Variants in ANKRD11 observed in about 807,000 individuals in gnomAD.
ANKRD11 encodes the protein ankyrin repeat domain-containing protein 11.
ANKRD11 carries 17 observed loss-of-function variants against 195.7 expected under a neutral mutation model. That is an observed-to-expected ratio of 0.09 (90% CI 0.06 to 0.13). ANKRD11 has a LOEUF of 0.13. Ranked by LOEUF, ANKRD11 falls within the 10% of genes least tolerant of loss-of-function variation. ANKRD11 has a pLI of 1.00. For missense variants in ANKRD11, 3,735 were observed against 3,566.1 expected (o/e 1.05, Z -1.21); for synonymous variants, 1,953 against 1,528.1 (o/e 1.28, Z -6.49).
At position 89,282,897 on chromosome 16, in the gene ANKRD11, T is replaced by C; in HGVS notation, c.3645A>G (p.Glu1215=). Residue 1215 remains glutamate, a synonymous_variant, in exon 9 of 13, where the codon GAA becomes GAG. Coordinates refer to ENST00000301030, the MANE Select transcript of ANKRD11 (RefSeq NM_013275.6). ...HKEKKDKEST[E]KYKDRKDRAS... ...CTCTGTCCTTCCTGTCCTTGTACTTTTCTGTGGACTCTTTATCCTTCTTCT... is the reference window on the plus strand; with the variant it reads ...CTCTGTCCTTCCTGTCCTTGTACTTCTCTGTGGACTCTTTATCCTTCTTCT... The C allele has an allele frequency of 1.9e-6, 3 of 1,613,174 alleles. No individual in the cohort carries two copies. The highest frequency in any genetic ancestry group is 2.5e-6 in the Non-Finnish European group (3 of 1,180,004).
In ANKRD11 at chr16:89,316,990, T is replaced by C. The variant is rs1274793310; in HGVS notation, c.30A>G (p.Pro10=). The C allele has an allele frequency of 7.4e-6, 12 of 1,613,916 alleles. No homozygotes were observed. The highest frequency in any genetic ancestry group is 1.0e-5 in the Non-Finnish European group (12 of 1,179,934). Reference sequence around the variant, plus strand: ...TGCTGAGGGGAAGCTCTTCCTGCTGTGGTGCTTTAGGGCACCCACCCTTGG... The same window carrying C: ...TGCTGAGGGGAAGCTCTTCCTGCTGCGGTGCTTTAGGGCACCCACCCTTGG... MPKGGCPKA[P]QQEELPLSSD... is the part of the protein sequence containing the mutation. Residue 10 remains proline, a synonymous_variant, in exon 3 of 13, where the codon CCA becomes CCG. Coordinates refer to ENST00000301030, the MANE Select transcript of ANKRD11 (RefSeq NM_013275.6).
At chr16:89,354,519 T>C (rs562463324) in intron 2 of ANKRD11, among the ~76,000 whole-genome samples, 117 of 152,260 alleles carry the variant, frequency 7.7e-4, no homozygotes, top group African/African-American at 2.7e-3. Flanking sequence ...CACCTGCTCT[T>C]GATAGGGAGG....
At chr16:89,307,223 C>G (rs2036337955) in intron 3 of ANKRD11, among the ~76,000 whole-genome samples, 2 of 152,228 alleles carry the variant, frequency 1.3e-5, no homozygotes, top group Admixed American at 1.3e-4. Context: ...GAGGCCTCAG[C>G]TGCTCCAGGG....
At chr16:89,485,139 T>C (rs1010924412) in intron 1 of ANKRD11, among the ~76,000 whole-genome samples, 2 of 152,102 alleles carry the variant, frequency 1.3e-5, no homozygotes, top group Admixed American at 1.3e-4. Flanking sequence ...TACTTTTATT[T>C]TCACACTGAA....
chr16:89,342,076 C>CCACAGCG (rs1597716327), intron 2 of ANKRD11, among the ~76,000 whole-genome samples: 1 of 39,002 alleles, frequency 2.6e-5, no homozygotes, highest in African/African-American at 8.5e-5. Flanking sequence ...GCACCTCCAC[C>CCACAGCG]GCCCACAGCT....
chr16:89,299,372 C>T (rs1285914588), intron 4 of ANKRD11: 4 of 193,188 alleles, frequency 2.1e-5, no homozygotes, highest in South Asian at 5.6e-5. Flanking sequence ...GTGTGGGGTG[C>T]CTGCCCTGTG....
chr16:89,477,145 A>T (rs1455501262), intron 1 of ANKRD11, among the ~76,000 whole-genome samples: 1 of 152,074 alleles, frequency 6.6e-6, no homozygotes, highest in East Asian at 1.9e-4. Flanking sequence ...ATATCTCAGA[A>T]AACAGGCACA....
In ANKRD11 at chr16:89,285,933, C is replaced by T. The variant is rs977521856; in HGVS notation, c.892+106G>A. The T allele has an allele frequency of 6.4e-7, 1 of 1,565,312 alleles. No homozygotes were observed. Among genetic ancestry groups the T allele is most frequent in the African/African-American group, 1.4e-5 (1 of 74,014 alleles). ...TCCAGAAGCTCCTGTAAGCCCCCAGCATCCGAGGAGGAGCTGATCAGAGGG... is the reference window on the plus strand; with the variant it reads ...TCCAGAAGCTCCTGTAAGCCCCCAGTATCCGAGGAGGAGCTGATCAGAGGG... On this transcript the variant is annotated intron_variant, in intron 8 of 12. Transcript: ENST00000301030. The surrounding 1 kb of genome is among the most constrained non-coding windows in gnomAD (Gnocchi z 5.6).
At chr16:89,414,671 G>C (rs533784926) in intron 2 of ANKRD11, among the ~76,000 whole-genome samples, 3 of 152,330 alleles carry the variant, frequency 2.0e-5, no homozygotes, top group Admixed American at 6.5e-5. Context: ...CAGGGCCACA[G>C]AGCTAGCACC....
rs1453564938 is a variant in ANKRD11 at position 89,280,068 on chromosome 16, T to G, written c.6474A>C (p.Glu2158Asp). Residue 2158 changes from glutamate to aspartate, a missense_variant, in exon 9 of 13, where the codon GAA (glutamate) becomes GAC (aspartate). Coordinates refer to ENST00000301030, the MANE Select transcript of ANKRD11 (RefSeq NM_013275.6). ...GCATCTCTTCTGGAGGAGCAAGACT[T>G]TCTTCCACGGGTTCCGCTTCACCAT... ...AADGEAEPVE[E>D]SLAPPEEMPP... The G allele has an allele frequency of 6.2e-7, 1 of 1,613,062 alleles. No individual in the cohort carries two copies. Among genetic ancestry groups the G allele is most frequent in the Non-Finnish European group, 8.5e-7 (1 of 1,179,946 alleles).
Position 89,279,760 on chromosome 16 carries a change from T to C in ANKRD11, c.6782A>G (p.Glu2261Gly). 6 of 1,523,814 alleles carry C rather than the reference T, an allele frequency of 3.9e-6. No individual in the cohort carries two copies. The highest frequency in any genetic ancestry group is 5.3e-6 in the Non-Finnish European group (6 of 1,138,682). The allele number at this position is 1,523,814 out of a possible 1,614,324, so 94.4% of individuals were successfully genotyped here. A position where few individuals can be genotyped will look rare whatever the true frequency, so the allele number is the denominator to read the frequency against. Residue 2261 changes from glutamate (E) to glycine (G), a missense_variant, in exon 9 of 13, where the codon GAA becomes GGA. Glu to Gly is a moderately conservative substitution (Grantham distance 98, BLOSUM62 -2). Transcript: ENST00000301030. This position sits in a 1 kb window ranked among gnomAD's most constrained non-coding sequence, Gnocchi z 5.6. Reference protein sequence around the residue: ...LGSGDQGAEAEGPPAASLCAP... With the variant: ...LGSGDQGAEAGGPPAASLCAP... ...ACAGAGGGACGCGGCGGGGGGGCCT[T>C]CAGCCTCAGCCCCCTGGTCTCCGCT...
chr16:89,309,702 CCT>C (rs2036504867), intron 3 of ANKRD11, among the ~76,000 whole-genome samples: 4 of 152,170 alleles, frequency 2.6e-5, no homozygotes, highest in African/African-American at 9.7e-5. Context: ...TGGGACAGGC[CCT>C]GTTTCGGCCC....
intron 2 of ANKRD11, among the ~76,000 whole-genome samples, chr16:89,415,829 C>CAAAAAAAAAAAAACAAA (rs2042278447): frequency 2.5e-5 from 1 of 39,744 alleles, no homozygotes. Context: ...GACTCTGTCT[C>CAAAAAAAAAAAAACAAA]AAAAAAAAAA....
chr16:89,388,528 C>CA (rs948239078), intron 2 of ANKRD11, among the ~76,000 whole-genome samples: 3 of 151,980 alleles, frequency 2.0e-5, no homozygotes, highest in Non-Finnish European at 4.4e-5. Context: ...ACACACGTCA[C>CA]AAAAAAGCCC....
chr16:89,347,385 G>C (rs541025718), intron 2 of ANKRD11, among the ~76,000 whole-genome samples: 1 of 152,098 alleles, frequency 6.6e-6, no homozygotes, highest in African/African-American at 2.4e-5. Flanking sequence ...CAAGATAGGC[G>C]GATCACGAGG....
rs2037448558 is a variant in ANKRD11 at position 89,323,252 on chromosome 16, G to T, written c.-59-6174C>A. 1.0e-5 allele frequency: 13 copies of T among 1,252,622 alleles called. No individual in the cohort carries two copies. The Admixed American group carries it at 3.0e-4, about 29-fold the overall frequency. 77.6% of individuals were successfully genotyped at this position (1,252,622 alleles called of 1,614,324 possible). A position where few individuals can be genotyped will look rare whatever the true frequency, so the allele number is the denominator to read the frequency against. On this transcript the variant is annotated intron_variant, in intron 2 of 12. Transcript: ENST00000301030. The stretch of plus-strand genomic sequence containing the variant: ...AAAGAAAAAAGGAGAAAAGGAAAAA[G>T]AGCTGCATACCTGGCAGGCCTACTG...
intron 2 of ANKRD11, among the ~76,000 whole-genome samples, chr16:89,333,353 A>ACC (rs376236804): frequency 7.3e-6 from 1 of 136,186 alleles, no homozygotes; most frequent in South Asian, 2.4e-4. Flanking sequence ...TACAGCTGAG[A>ACC]CCCCCCTGGA....
chr16:89,441,583 T>C (rs2965941), intron 1 of ANKRD11, among the ~76,000 whole-genome samples: 7,830 of 151,494 alleles, frequency 0.052, 599 homozygotes, highest in African/African-American at 0.17. Context: ...CTGGCTAACA[T>C]GGTAAAACCC....
chr16:89,480,738 G>C (rs2057418138), intron 1 of ANKRD11, among the ~76,000 whole-genome samples: 1 of 152,020 alleles, frequency 6.6e-6, no homozygotes, highest in African/African-American at 2.4e-5. Flanking sequence ...ACACTGTCCT[G>C]ACAAAATATC....
Sources: gnomAD v4.1 joint callset for allele counts (sites outside exome capture counted in the v4.1 genomes callset) on GRCh38, gnomAD v4.1.1 for gene constraint, Gnocchi (gnomAD v3.1) non-coding constraint, MANE v1.5 for transcripts, NCBI Gene and HGNC (gene_info 2026-07-23, HGNC 2026-07-21) for gene names.